DDX10: variants seen among roughly 807,000 people sequenced by gnomAD.
DDX10 encodes the protein probable ATP-dependent RNA helicase DDX10.
DDX10 carries 74 observed loss-of-function variants against 104.3 expected under a neutral mutation model. The observed-to-expected ratio is 0.71, with a 90% CI of 0.59 to 0.86. The LOEUF is 0.86. Ranked by LOEUF, DDX10 falls within the 40% of genes least tolerant of loss-of-function variation. The probability of loss-of-function intolerance (pLI) is 0.00; values close to 1 mark genes in which losing one functional copy is unlikely to be tolerated. For missense variants in DDX10, 952 were observed against 1,040.0 expected (o/e 0.92, Z 1.16); for synonymous variants, 351 against 353.4 (o/e 0.99, Z 0.08).
At chr11:108,937,940 A>G (rs1354810885) in intron 17 of DDX10, among the ~76,000 whole-genome samples, 3 of 152,308 alleles carry the variant, frequency 2.0e-5, no homozygotes, top group Non-Finnish European at 2.9e-5. Flanking sequence ...GAATGTGGCA[A>G]AAATCTAAGT....
At chr11:108,888,477 G>T (rs1367756797) in intron 16 of DDX10, among the ~76,000 whole-genome samples, 1 of 152,088 alleles carries the variant, frequency 6.6e-6, no homozygotes, top group Non-Finnish European at 1.5e-5. Context: ...GGTTGTAAAG[G>T]TCATATGCCA....
At chr11:108,778,435 C>A (rs200178759) in intron 13 of DDX10, among the ~76,000 whole-genome samples, 3,993 of 138,618 alleles carry the variant, frequency 0.029, 121 homozygotes, top group African/African-American at 0.092. Flanking sequence ...CAAAAACAAG[C>A]AATGGGGAAA....
At chr11:108,714,408 T>C (rs1369472226) in intron 10 of DDX10, among the ~76,000 whole-genome samples, 3 of 152,226 alleles carry the variant, frequency 2.0e-5, no homozygotes, top group African/African-American at 7.2e-5. Context: ...ATCTTTATCA[T>C]GGATAAAAGA....
chr11:108,727,335 G>A (rs1025699516), intron 13 of DDX10, among the ~76,000 whole-genome samples: 2 of 151,934 alleles, frequency 1.3e-5, no homozygotes, highest in African/African-American at 4.8e-5. Flanking sequence ...CTTAATTTGT[G>A]TATATATTGC....
At chr11:108,712,912 C>T (rs957569162) in intron 10 of DDX10, among the ~76,000 whole-genome samples, 2 of 151,746 alleles carry the variant, frequency 1.3e-5, no homozygotes, top group Admixed American at 1.3e-4. Flanking sequence ...TTCTCTTTCA[C>T]TTTTGAAGGA....
At chr11:108,924,894 A>G (rs1863887951) in intron 17 of DDX10, among the ~76,000 whole-genome samples, 1 of 152,144 alleles carries the variant, frequency 6.6e-6, no homozygotes, top group South Asian at 2.1e-4. Flanking sequence ...GCAGTTTCCA[A>G]TTACTTGAAC....
chr11:108,799,625 C>A (rs1427880019), intron 13 of DDX10, among the ~76,000 whole-genome samples: 1 of 152,166 alleles, frequency 6.6e-6, no homozygotes, highest in Non-Finnish European at 1.5e-5. Context: ...TGTTCATTTT[C>A]TTGCAGACTT....
At chr11:108,833,037 T>G (rs957434589) in intron 13 of DDX10, among the ~76,000 whole-genome samples, 4 of 152,218 alleles carry the variant, frequency 2.6e-5, no homozygotes, top group African/African-American at 4.8e-5. Flanking sequence ...TACATGTGCA[T>G]GTATTACCTG....
intron 16 of DDX10, among the ~76,000 whole-genome samples, chr11:108,907,571 C>T (rs77035426): frequency 0.02 from 3,028 of 152,138 alleles, 95 homozygotes; most frequent in African/African-American, 0.069. Context: ...CCCATTGCCT[C>T]TCATCCCCTC....
At chr11:108,727,708 A>T (rs573840788) in intron 13 of DDX10, 331 of 155,686 alleles carry the variant, frequency 2.1e-3, no homozygotes, top group Admixed American at 4.5e-3. Context: ...TGTTTTTTTT[A>T]AAATGTTAAC....
chr11:108,891,489 A>G (rs1172732616), intron 16 of DDX10, among the ~76,000 whole-genome samples: 1 of 152,226 alleles, frequency 6.6e-6, no homozygotes, highest in Non-Finnish European at 1.5e-5. Context: ...TTCAATAATT[A>G]GAACTTTCCA....
chr11:108,867,312 T>A (rs1863019229), intron 16 of DDX10, among the ~76,000 whole-genome samples: 1 of 152,178 alleles, frequency 6.6e-6, no homozygotes, highest in Non-Finnish European at 1.5e-5. Flanking sequence ...TGTACCCAGC[T>A]CATGTTTAAG....
At chr11:108,824,290 A>T (rs1033737612) in intron 13 of DDX10, among the ~76,000 whole-genome samples, 1 of 152,078 alleles carries the variant, frequency 6.6e-6, no homozygotes, top group Non-Finnish European at 1.5e-5. Context: ...CGATCCACCT[A>T]CCTTGGCCTC....
chr11:108,823,976 G>A (rs1862361882), intron 13 of DDX10, among the ~76,000 whole-genome samples: 1 of 149,614 alleles, frequency 6.7e-6, no homozygotes, highest in East Asian at 2.0e-4. Context: ...GGTGTGGATC[G>A]CTGAGATACT....
At chr11:108,871,064 T>C (rs1863075388) in intron 16 of DDX10, among the ~76,000 whole-genome samples, 1 of 152,142 alleles carries the variant, frequency 6.6e-6, no homozygotes. Context: ...TAGAAAGCAA[T>C]GTTACTGGAC....
intron 1 of DDX10, among the ~76,000 whole-genome samples, chr11:108,666,844 G>T (rs2094210817): frequency 6.6e-6 from 1 of 152,190 alleles, no homozygotes; most frequent in Non-Finnish European, 1.5e-5. Context: ...TGCCATGTAA[G>T]GTAACATTCA....
intron 13 of DDX10, among the ~76,000 whole-genome samples, chr11:108,724,069 C>T (rs1042388938): frequency 6.6e-6 from 1 of 152,044 alleles, no homozygotes; most frequent in African/African-American, 2.4e-5. Context: ...TTTGTAGGTG[C>T]ACAGTAAATG....
intron 3 of DDX10, 187 bp downstream of exon 3, chr11:108,675,913 A>G (rs1449766444): frequency 3.1e-6 from 2 of 640,680 alleles, no homozygotes; most frequent in Non-Finnish European, 5.3e-6. Flanking sequence ...GTTCTAGCAC[A>G]GTGCCTTGCA....
intron 13 of DDX10, among the ~76,000 whole-genome samples, chr11:108,828,984 C>T (rs574253235): frequency 6.6e-6 from 1 of 152,324 alleles, no homozygotes; most frequent in Non-Finnish European, 1.5e-5. Context: ...TCTTTATCCA[C>T]TCATTGATTG....
Sources: gnomAD v4.1 joint callset for allele counts (sites outside exome capture counted in the v4.1 genomes callset) on GRCh38, gnomAD v4.1.1 for gene constraint, MANE v1.5 for transcripts, NCBI Gene and HGNC (gene_info 2026-07-23, HGNC 2026-07-21) for gene names.